The following ANAPC10 variants were observed in gnomAD, a reference collection of about 807,000 sequenced individuals.
The protein encoded by ANAPC10 is anaphase promoting complex subunit 10.
In ANAPC10, 12 loss-of-function variants were observed where a neutral mutation model predicts 22.0. The observed-to-expected ratio is 0.55, with a 90% CI of 0.35 to 0.88. The LOEUF is 0.88. Ranked by LOEUF, ANAPC10 falls within the 40% of genes least tolerant of loss-of-function variation. The pLI is 0.01. For synonymous variants in ANAPC10, 65 were observed against 69.5 expected, an observed-to-expected ratio of 0.94 and a Z score of 0.32; for missense variants, 188 against 220.9, an observed-to-expected ratio of 0.85 and a Z score of 0.94.
At position 145,025,550 on chromosome 4, in the gene ANAPC10, A is replaced by T. The variant is rs577789950; in HGVS notation, c.328-29947T>A. On this transcript the variant is annotated intron_variant, in intron 4 of 4. Transcript: ENST00000507656. Reference sequence around the variant, plus strand: ...TGGAGTAGTCAGAACACACACAGTTATCGATTGGGTTTGCCATCTTACATG... The same window carrying T: ...TGGAGTAGTCAGAACACACACAGTTTTCGATTGGGTTTGCCATCTTACATG... Among the ~76,000 whole-genome samples the T allele has an allele frequency of 9.9e-5, 15 of 152,226 alleles. No individual in the cohort carries two copies. In the East Asian group the frequency reaches 2.5e-3, roughly 26 times the overall value.
chr4:145,084,846 T>G (rs966510942), intron 2 of ANAPC10, among the ~76,000 whole-genome samples: 1 of 152,188 alleles, frequency 6.6e-6, no homozygotes, highest in Non-Finnish European at 1.5e-5. Flanking sequence ...TCATTAGTAA[T>G]AGTAGTCCAG....
intron 4 of ANAPC10, among the ~76,000 whole-genome samples, chr4:144,996,134 C>T (rs1731572086): frequency 6.6e-6 from 1 of 152,132 alleles, no homozygotes; most frequent in African/African-American, 2.4e-5. Context: ...CACTCACAGC[C>T]AGGAGAGGCT....
At chr4:145,043,150 A>G (rs981679935) in intron 4 of ANAPC10, among the ~76,000 whole-genome samples, 1 of 152,086 alleles carries the variant, frequency 6.6e-6, no homozygotes, top group Non-Finnish European at 1.5e-5. Flanking sequence ...TGGTCCATCT[A>G]AAGCAAAATG....
chr4:145,009,828 TAACTA>T (rs1315634573), intron 4 of ANAPC10, among the ~76,000 whole-genome samples: 4 of 152,128 alleles, frequency 2.6e-5, no homozygotes, highest in African/African-American at 9.7e-5. Flanking sequence ...AAATGGGATC[TAACTA>T]AACTAAAGAG....
intron 4 of ANAPC10, among the ~76,000 whole-genome samples, chr4:145,018,968 A>C (rs1250868657): frequency 4.6e-5 from 7 of 152,192 alleles, no homozygotes; most frequent in Non-Finnish European, 8.8e-5. Flanking sequence ...AATAGACCTA[A>C]AAAATGAGAT....
intron 4 of ANAPC10, among the ~76,000 whole-genome samples, chr4:145,042,847 T>C (rs1165391601): frequency 6.6e-6 from 1 of 151,818 alleles, no homozygotes; most frequent in African/African-American, 2.4e-5. Context: ...GCTGGCACAA[T>C]GGAATTTCAA....
intron 4 of ANAPC10, among the ~76,000 whole-genome samples, chr4:145,057,364 T>C (rs1432941138): frequency 6.6e-6 from 1 of 152,186 alleles, no homozygotes; most frequent in Non-Finnish European, 1.5e-5. Context: ...CCTATCTGCC[T>C]AGATAATCCT....
chr4:145,075,309 A>G (rs889565819), intron 3 of ANAPC10, among the ~76,000 whole-genome samples: 1 of 152,220 alleles, frequency 6.6e-6, no homozygotes, highest in Non-Finnish European at 1.5e-5. Context: ...AAGTGGATTA[A>G]ATGTAGAACT....
Position 145,023,092 on chromosome 4 carries a change from T to C in ANAPC10, c.328-27489A>G, listed in dbSNP as rs186542251. ...AGTACATTTACAACATGGAATACTA[T>C]ATAGCAGTGAGGATGAACCATTTGT... is the stretch of plus-strand genomic sequence containing the variant. On this transcript the variant is annotated intron_variant, in intron 4 of 4. Transcript: ENST00000507656. Among the ~76,000 whole-genome samples, 12 of 152,212 alleles carry C rather than the reference T, an allele frequency of 7.9e-5. No individual in the cohort carries two copies. In the East Asian group the frequency reaches 2.3e-3, roughly 29 times the overall value.
At chr4:145,012,162 A>G (rs915967583) in intron 4 of ANAPC10, among the ~76,000 whole-genome samples, 3 of 121,648 alleles carry the variant, frequency 2.5e-5, no homozygotes, top group East Asian at 5.7e-4. Flanking sequence ...AGCTATATGT[A>G]TATGTGTGTG....
At chr4:145,071,189 C>T (rs1744437844) in intron 3 of ANAPC10, among the ~76,000 whole-genome samples, 1 of 152,070 alleles carries the variant, frequency 6.6e-6, no homozygotes, top group African/African-American at 2.4e-5. Flanking sequence ...GGCAGAGCAC[C>T]TGAAGTTGGG....
At chr4:145,008,983 C>G (rs976911767) in intron 4 of ANAPC10, among the ~76,000 whole-genome samples, 3 of 152,186 alleles carry the variant, frequency 2.0e-5, no homozygotes, top group Non-Finnish European at 4.4e-5. Flanking sequence ...TAAGCAACTT[C>G]AGCAGAGTCT....
chr4:145,088,754 T>C lies in ANAPC10; in HGVS notation c.116-7004A>G, dbSNP rs1747250639. 2.6e-5 allele frequency among the ~76,000 whole-genome samples: 4 copies of C among 152,208 alleles called. No homozygotes were observed. In the South Asian group the frequency reaches 8.3e-4, roughly 32 times the overall value. On this transcript the variant is annotated intron_variant, in intron 2 of 4. Coordinates refer to ENST00000507656, the MANE Select transcript of ANAPC10 (RefSeq NM_001256706.2). ...CATCTTTTAAAAATTCTGTATCAGA[T>C]CATCTTCCTCTCCTGCTTAACACCT...
intron 2 of ANAPC10, among the ~76,000 whole-genome samples, chr4:145,084,213 C>T (rs1746528306): frequency 6.6e-6 from 1 of 152,202 alleles, no homozygotes; most frequent in African/African-American, 2.4e-5. Flanking sequence ...TTTGCATCTG[C>T]TGCCTTTATT....
At chr4:145,039,922 G>A (rs1739247106) in intron 4 of ANAPC10, among the ~76,000 whole-genome samples, 1 of 151,902 alleles carries the variant, frequency 6.6e-6, no homozygotes, top group African/African-American at 2.4e-5. Context: ...CTTCACTTTA[G>A]ATACTAGAAA....
chr4:145,065,693 G>A lies in ANAPC10; in HGVS notation c.207-1001C>T, dbSNP rs1419795717. ...TTACAATATAGCCATTCAACGAACT[G>A]CTATAGAACTATTTAAAATAATCAT... is the stretch of plus-strand genomic sequence containing the variant. On this transcript the variant is annotated intron_variant, in intron 3 of 4. Transcript: ENST00000507656. Among the ~76,000 whole-genome samples, 6 of 151,842 alleles carry A rather than the reference G, an allele frequency of 4.0e-5. No homozygotes were observed. The South Asian group carries it at 8.3e-4, about 21-fold the overall frequency.
chr4:145,073,818 A>G lies in ANAPC10; in HGVS notation c.206+7842T>C, dbSNP rs149961216. Among the ~76,000 whole-genome samples the G allele has an allele frequency of 4.1e-3, 617 of 152,190 alleles. 8 individuals are homozygous for G. The highest frequency in any genetic ancestry group is 0.014 in the African/African-American group (572 of 41,562). ...TGCGACACAGAAATCATTTTAATAT[A>G]ATTAAAAATGTTGTATAATGTTATT... On this transcript the variant is annotated intron_variant, in intron 3 of 4. Transcript: ENST00000507656.
intron 4 of ANAPC10, among the ~76,000 whole-genome samples, chr4:145,042,604 T>C (rs1286882488): frequency 1.3e-5 from 2 of 152,126 alleles, no homozygotes; most frequent in Non-Finnish European, 2.9e-5. Context: ...ATAACATTAG[T>C]GCAACATATA....
At chr4:145,043,275 TAAA>T (rs1193648136) in intron 4 of ANAPC10, among the ~76,000 whole-genome samples, 1 of 151,840 alleles carries the variant, frequency 6.6e-6, no homozygotes, top group Non-Finnish European at 1.5e-5. Flanking sequence ...TTATTTTGAC[TAAA>T]AAACAATTCT....
Sources: gnomAD v4.1 joint callset for allele counts (sites outside exome capture counted in the v4.1 genomes callset) on GRCh38, gnomAD v4.1.1 for gene constraint, MANE v1.5 for transcripts, NCBI Gene and HGNC (gene_info 2026-07-23, HGNC 2026-07-21) for gene names.